The following ZNF678 variants were observed in gnomAD, a reference collection of about 807,000 sequenced individuals.
ZNF678 encodes the protein hypothetical protein MGC42493.
A neutral mutation model predicts 3.0 loss-of-function variants in ZNF678; 5 were observed. That is an observed-to-expected ratio of 1.69 (90% CI 0.88 to 3.56). The LOEUF is 3.56. ZNF678 is among the 30% of genes most tolerant of loss of function. ZNF678 has a pLI of 0.00. For synonymous variants in ZNF678, 218 were observed against 199.6 expected, an observed-to-expected ratio of 1.09 and a Z score of -0.78; for missense variants, 593 against 605.0, an observed-to-expected ratio of 0.98 and a Z score of 0.21.
At chr1:227,647,775 A>G (rs1339746352) in intron 2 of ZNF678, among the ~76,000 whole-genome samples, 4 of 152,156 alleles carry the variant, frequency 2.6e-5, no homozygotes, top group Admixed American at 6.5e-5. Context: ...ATAAGGCACT[A>G]TATAATCTGA....
chr1:227,637,076 A>G (rs1251478257), intron 1 of ZNF678, among the ~76,000 whole-genome samples: 8 of 152,194 alleles, frequency 5.3e-5, no homozygotes, highest in Admixed American at 5.2e-4. Flanking sequence ...CATAGCCAGC[A>G]TTCCAGTATC....
rs111352401 is a variant in ZNF678, at chr1:227,580,113, G to A, written c.-164+16389G>A. On this transcript the variant is annotated intron_variant, in intron 1 of 3. Coordinates refer to ENST00000343776, the MANE Select transcript of ZNF678 (RefSeq NM_001367909.1). ...TGACAGTTCAACTTGTTCTCCTGGA[G>A]CTATTGTGGTCCAAAAATGAGTCCC... Among the ~76,000 whole-genome samples the A allele has an allele frequency of 3.8e-3, 574 of 152,240 alleles. 4 individuals carry two copies. Among genetic ancestry groups the A allele is most frequent in the African/African-American group, 0.013 (546 of 41,540 alleles).
chr1:227,590,516 C>A (rs979476662), intron 1 of ZNF678, among the ~76,000 whole-genome samples: 11 of 151,748 alleles, frequency 7.2e-5, no homozygotes, highest in Non-Finnish European at 1.6e-4. Flanking sequence ...CGTCTTGTGC[C>A]CAAGCGGCAG....
At chr1:227,607,874 A>T (rs980063195) in intron 1 of ZNF678, among the ~76,000 whole-genome samples, 1 of 150,302 alleles carries the variant, frequency 6.7e-6, no homozygotes, top group African/African-American at 2.4e-5. Context: ...AAATTGGCAC[A>T]GTTATAGTTT....
At chr1:227,574,873 C>A (rs924317730) in intron 1 of ZNF678, among the ~76,000 whole-genome samples, 2 of 152,158 alleles carry the variant, frequency 1.3e-5, no homozygotes, top group Non-Finnish European at 2.9e-5. Context: ...CAATCTTCTG[C>A]AAACGGCTAG....
At chr1:227,589,333 G>A (rs1657347524) in intron 1 of ZNF678, among the ~76,000 whole-genome samples, 1 of 151,772 alleles carries the variant, frequency 6.6e-6, no homozygotes, top group Admixed American at 6.6e-5. Flanking sequence ...ATGGTATAAG[G>A]AAGGGATCCA....
chr1:227,667,081 TCACTC>T (rs1659515590), downstream of ZNF678, among the ~76,000 whole-genome samples: 1 of 151,436 alleles, frequency 6.6e-6, no homozygotes, highest in South Asian at 2.1e-4. Context: ...ACTCATTTCA[TCACTC>T]AGGCTGGGGT....
At chr1:227,596,763 A>G (rs1657601157) in intron 1 of ZNF678, among the ~76,000 whole-genome samples, 1 of 152,258 alleles carries the variant, frequency 6.6e-6, no homozygotes, top group African/African-American at 2.4e-5. Flanking sequence ...AACATGAAAT[A>G]TAACTTGATG....
At chr1:227,565,399 G>A (rs1184333069) in intron 1 of ZNF678, among the ~76,000 whole-genome samples, 1 of 152,118 alleles carries the variant, frequency 6.6e-6, no homozygotes, top group Non-Finnish European at 1.5e-5. Flanking sequence ...TGTCATCCAG[G>A]CTGCTGGAAT....
At position 227,655,874 on chromosome 1, in the gene ZNF678, A is replaced by G; in HGVS notation, c.*46A>G. 6.7e-7 allele frequency: 1 copy of G among 1,502,070 alleles called. No homozygotes were observed. The highest frequency in any genetic ancestry group is 1.4e-5 in the South Asian group (1 of 73,196). 93.0% of individuals were successfully genotyped at this position (1,502,070 alleles called of 1,614,324 possible). A position where few individuals can be genotyped will look rare whatever the true frequency, so the allele number is the denominator to read the frequency against. On this transcript the variant is annotated 3_prime_UTR_variant, in exon 4 of 4. Coordinates refer to ENST00000343776, the MANE Select transcript of ZNF678 (RefSeq NM_001367909.1). The stretch of plus-strand genomic sequence containing the variant: ...GCTTCACTAATTTCATACTGAATAA[A>G]AGTGGTATGAGCATAATGACTGTTT...
intron 1 of ZNF678, among the ~76,000 whole-genome samples, chr1:227,618,940 C>A (rs1359928677): frequency 6.6e-6 from 1 of 152,086 alleles, no homozygotes; most frequent in African/African-American, 2.4e-5. Context: ...AGGAAACTTA[C>A]AATCATGGCA....
chr1:227,663,088 A>G (rs1659442087), downstream of ZNF678, among the ~76,000 whole-genome samples: 3 of 152,206 alleles, frequency 2.0e-5, no homozygotes, highest in Admixed American at 6.5e-5. Context: ...TCCTGTGAAC[A>G]CAGCAATGGA....
intron 1 of ZNF678, among the ~76,000 whole-genome samples, chr1:227,575,851 G>C (rs1656974965): frequency 6.6e-6 from 1 of 152,124 alleles, no homozygotes; most frequent in South Asian, 2.1e-4. Flanking sequence ...TCAAGCTTTT[G>C]CCCATTCAGT....
chr1:227,596,528 C>T (rs1202593791), intron 1 of ZNF678, among the ~76,000 whole-genome samples: 1 of 152,132 alleles, frequency 6.6e-6, no homozygotes, highest in African/African-American at 2.4e-5. Context: ...CTTTAACTAC[C>T]ACACCCAGAG....
Position 227,654,316 on chromosome 1 carries a change from T to C in ZNF678, c.86-20T>C. On this transcript the variant is annotated intron_variant, in intron 3 of 3. Coordinates refer to ENST00000343776, the MANE Select transcript of ZNF678 (RefSeq NM_001367909.1). ...TGGAGATTAGTAAGAAGAATAACTT[T>C]TTATTTTTATTTCTTTCAGCTATTT... 6.7e-7 allele frequency: 1 copy of C among 1,487,610 alleles called. No individual in the cohort carries two copies. Among genetic ancestry groups the C allele is most frequent in the Non-Finnish European group, 8.9e-7 (1 of 1,119,490 alleles). The allele number at this position is 1,487,610 out of a possible 1,614,324, so 92.2% of individuals were successfully genotyped here. A position where few individuals can be genotyped will look rare whatever the true frequency, so the allele number is the denominator to read the frequency against.
intron 1 of ZNF678, among the ~76,000 whole-genome samples, chr1:227,569,338 A>G (rs1011822932): frequency 2.0e-5 from 3 of 152,068 alleles, no homozygotes; most frequent in Non-Finnish European, 4.4e-5. Flanking sequence ...AATATATGCA[A>G]ATTTTTTTTA....
chr1:227,654,839 A>C lies in ZNF678; in HGVS notation c.589A>C (p.Thr197Pro). ...AGTTTTTAATTGGTGGTCACAACTA[A>C]CTAGCCATAAGAAAATTCATAGTGG... Reference protein sequence around the residue: ...DKVFNWWSQLTSHKKIHSGEK... With the variant: ...DKVFNWWSQLPSHKKIHSGEK... Residue 197 changes from threonine to proline, a missense_variant, in exon 4 of 4, where the codon ACT (threonine) becomes CCT (proline). Physicochemically the swap from Thr to Pro is conservative, Grantham distance 38. Transcript: ENST00000343776. 6.2e-7 allele frequency: 1 copy of C among 1,608,954 alleles called. No individual in the cohort carries two copies. Among genetic ancestry groups the C allele is most frequent in the South Asian group, 1.1e-5 (1 of 90,896 alleles).
chr1:227,611,386 G>A (rs1301049901), intron 1 of ZNF678, among the ~76,000 whole-genome samples: 1 of 152,174 alleles, frequency 6.6e-6, no homozygotes, highest in Non-Finnish European at 1.5e-5. Context: ...AGTAAGGAAG[G>A]CAGGCAGACT....
At position 227,646,633 on chromosome 1, in the gene ZNF678, T is replaced by G; in HGVS notation, c.-74T>G. The stretch of plus-strand genomic sequence containing the variant: ...CTGCCCAGCGAAATTTGTATAGGGA[T>G]GTGATGTTCGAGAACTACAGAAACC... On this transcript the variant is annotated 5_prime_UTR_variant, in exon 2 of 4. It removes an upstream start codon present in the reference 5' UTR. Transcript: ENST00000343776. 1 of 1,372,470 alleles carries G rather than the reference T, an allele frequency of 7.3e-7. No individual in the cohort carries two copies. Among genetic ancestry groups the G allele is most frequent in the South Asian group, 1.1e-5 (1 of 88,946 alleles). 85.0% of individuals were successfully genotyped at this position (1,372,470 alleles called of 1,614,324 possible).
Sources: gnomAD v4.1 joint callset for allele counts (sites outside exome capture counted in the v4.1 genomes callset) on GRCh38, gnomAD v4.1.1 for gene constraint, MANE v1.5 for transcripts, NCBI Gene and HGNC (gene_info 2026-07-23, HGNC 2026-07-21) for gene names.